Variants in TANC2 observed in about 807,000 individuals in gnomAD.
TANC2 encodes protein TANC2.
In TANC2, 26 loss-of-function variants were observed where a neutral mutation model predicts 210.5. The observed-to-expected ratio is 0.12, with a 90% CI of 0.09 to 0.17. The LOEUF is 0.17. Ranked by LOEUF, TANC2 falls within the 10% of genes least tolerant of loss-of-function variation. The pLI is 1.00. For synonymous variants in TANC2, 931 were observed against 967.1 expected (o/e 0.96, Z 0.69); for missense variants, 2,129 against 2,608.9 (o/e 0.82, Z 4.01).
chr17:63,268,289 C>G (rs1033238205), intron 9 of TANC2, among the ~76,000 whole-genome samples: 2 of 152,140 alleles, frequency 1.3e-5, no homozygotes, highest in African/African-American at 4.8e-5. Flanking sequence ...ATCCAAAATG[C>G]AAAATGCTTC....
chr17:63,102,749 G>T (rs2037677015), intron 4 of TANC2, among the ~76,000 whole-genome samples: 1 of 151,952 alleles, frequency 6.6e-6, no homozygotes, highest in Non-Finnish European at 1.5e-5. Flanking sequence ...TTGTTGGCAT[G>T]TATGTAGAGA....
intron 2 of TANC2, among the ~76,000 whole-genome samples, chr17:63,063,370 T>G (rs1420369806): frequency 6.6e-6 from 1 of 152,158 alleles, no homozygotes; most frequent in Admixed American, 6.5e-5. Context: ...TGGGGCATGA[T>G]GGGCTGAAAG....
intron 5 of TANC2, among the ~76,000 whole-genome samples, chr17:63,167,300 GTAAA>G (rs1230095697): frequency 6.6e-6 from 1 of 152,092 alleles, no homozygotes; most frequent in Non-Finnish European, 1.5e-5. Flanking sequence ...TTAGCACATA[GTAAA>G]TACTCAAAAA....
At chr17:63,063,202 G>T (rs1408943932) in intron 2 of TANC2, among the ~76,000 whole-genome samples, 2 of 152,174 alleles carry the variant, frequency 1.3e-5, no homozygotes, top group South Asian at 2.1e-4. Context: ...TAAAGAGCCC[G>T]GAGCTTCCAT....
chr17:63,063,090 T>C (rs936761008), intron 2 of TANC2, among the ~76,000 whole-genome samples: 10 of 152,212 alleles, frequency 6.6e-5, no homozygotes, highest in African/African-American at 2.2e-4. Context: ...GAATGTCTCA[T>C]AGAACTCAGG....
Position 63,412,046 on chromosome 17 carries a change from A to G in TANC2, c.3814A>G (p.Ser1272Gly). ...GGCCATGATCGAGCACGTTGACTACAGTGGAATGCGCCCTTTGGATAGGGC... is the reference window on the plus strand; with the variant it reads ...GGCCATGATCGAGCACGTTGACTACGGTGGAATGCGCCCTTTGGATAGGGC... The change falls in exon 23 of 28, where the codon AGT (serine) becomes GGT (glycine). Residue 1272 changes from serine (S) to glycine (G), a missense_variant. Physicochemically the swap from Ser to Gly is moderately conservative, Grantham distance 56. Coordinates refer to ENST00000689528, the Ensembl canonical transcript of TANC2. This position sits in a 1 kb window ranked among gnomAD's most constrained non-coding sequence, Gnocchi z 4.2. 1.2e-6 allele frequency: 2 copies of G among 1,613,940 alleles called. No homozygotes were observed. The highest frequency in any genetic ancestry group is 1.7e-6 in the Non-Finnish European group (2 of 1,179,868).
At chr17:62,996,173 T>A (rs1481139065) in intron 1 of TANC2, among the ~76,000 whole-genome samples, 2 of 152,232 alleles carry the variant, frequency 1.3e-5, no homozygotes, top group African/African-American at 4.8e-5. Context: ...CTCAAATTCA[T>A]GCTAGATTTG....
intron 4 of TANC2, among the ~76,000 whole-genome samples, chr17:63,115,892 A>G (rs912676165): frequency 4.6e-5 from 7 of 152,194 alleles, no homozygotes; most frequent in African/African-American, 1.4e-4. Flanking sequence ...TGTTAGTCCA[A>G]CTACAGTCAA....
intron 1 of TANC2, among the ~76,000 whole-genome samples, chr17:62,974,905 A>G (rs1389934221): frequency 6.6e-6 from 1 of 151,636 alleles, no homozygotes; most frequent in Non-Finnish European, 1.5e-5. Context: ...ATAGTGGAAA[A>G]CTTGTCATTC....
chr17:63,076,754 CTT>C (rs983759062), intron 3 of TANC2, among the ~76,000 whole-genome samples: 6 of 152,052 alleles, frequency 3.9e-5, no homozygotes, highest in Non-Finnish European at 8.8e-5. Context: ...GATATTATGA[CTT>C]TAAAAAAGGC....
chr17:62,990,905 G>A (rs532748537), intron 1 of TANC2, among the ~76,000 whole-genome samples: 1 of 152,166 alleles, frequency 6.6e-6, no homozygotes, highest in African/African-American at 2.4e-5. Context: ...TGAGAGTGAT[G>A]CAAAGAAATG....
intron 5 of TANC2, chr17:63,152,683 A>G (rs1372888760): frequency 6.6e-6 from 1 of 152,070 alleles, no homozygotes; most frequent in Non-Finnish European, 1.5e-5. Flanking sequence ...TCTTCATGCA[A>G]ATTTTAGTGT....
intron 8 of TANC2, among the ~76,000 whole-genome samples, chr17:63,245,361 A>C (rs2042886666): frequency 6.6e-6 from 1 of 152,236 alleles, no homozygotes; most frequent in Non-Finnish European, 1.5e-5. Context: ...TAATTAAGCT[A>C]TACACCAAAG....
At chr17:63,409,341 C>G (rs985856876) in intron 21 of TANC2, among the ~76,000 whole-genome samples, 1 of 151,950 alleles carries the variant, frequency 6.6e-6, no homozygotes, top group Non-Finnish European at 1.5e-5. Flanking sequence ...CACACCACCA[C>G]CACACCTGGC....
rs73991877 is a variant in TANC2 at position 63,041,493 on chromosome 17, G to A, written c.67+31867G>A. ...TATCACATAAAAACAAAAATGCCTC[G>A]GAGATGGGAAGGGGTTTGGAAGAGA... is the stretch of plus-strand genomic sequence containing the variant. On this transcript the variant is annotated intron_variant, in intron 2 of 27. Coordinates refer to ENST00000689528, the Ensembl canonical transcript of TANC2. Among the ~76,000 whole-genome samples the A allele has an allele frequency of 3.0e-3, 454 of 152,192 alleles. 3 individuals are homozygous for A. Among genetic ancestry groups the A allele is most frequent in the African/African-American group, 0.01 (431 of 41,546 alleles).
At chr17:63,050,589 A>C (rs530976485) in intron 2 of TANC2, among the ~76,000 whole-genome samples, 1 of 152,302 alleles carries the variant, frequency 6.6e-6, no homozygotes, top group South Asian at 2.1e-4. Context: ...GGAGATGAGA[A>C]ACAATAAGCC....
intron 4 of TANC2, among the ~76,000 whole-genome samples, chr17:63,108,060 A>G (rs914195675): frequency 1.5e-4 from 23 of 151,804 alleles, no homozygotes; most frequent in African/African-American, 5.1e-4. Flanking sequence ...AGAGGCTACA[A>G]ATTTTTTCAT....
chr17:63,080,518 T>A (rs184510878), intron 3 of TANC2, among the ~76,000 whole-genome samples: 5 of 152,354 alleles, frequency 3.3e-5, no homozygotes, highest in Admixed American at 6.5e-5. Context: ...ACGATGTGGC[T>A]TTGCATGATT....
chr17:63,349,750 A>T (rs2046536192), intron 12 of TANC2, among the ~76,000 whole-genome samples: 1 of 152,168 alleles, frequency 6.6e-6, no homozygotes, highest in Non-Finnish European at 1.5e-5. Flanking sequence ...AATTAAAGGC[A>T]TGGTTAAGCT....
Sources: gnomAD v4.1 joint callset for allele counts (sites outside exome capture counted in the v4.1 genomes callset) on GRCh38, gnomAD v4.1.1 for gene constraint, Gnocchi (gnomAD v3.1) non-coding constraint, MANE v1.5 for transcripts, NCBI Gene and HGNC (gene_info 2026-07-23, HGNC 2026-07-21) for gene names.